Variants in ATE1 observed in about 807,000 individuals in gnomAD.
ATE1 encodes the protein arginyltransferase 1, also known as arginyl-tRNA--protein transferase 1.
A neutral mutation model predicts 70.5 loss-of-function variants in ATE1; 36 were observed. That is an observed-to-expected ratio of 0.51 (90% CI 0.39 to 0.67). The LOEUF is 0.67. ATE1 is among the 30% of genes least tolerant of loss of function. The pLI, the probability that ATE1 is intolerant of heterozygous loss-of-function variation, is 0.00. For missense variants in ATE1, 593 were observed against 629.5 expected, an observed-to-expected ratio of 0.94 and a Z score of 0.62; for synonymous variants, 232 against 219.3, an observed-to-expected ratio of 1.06 and a Z score of -0.51.
At chr10:121,922,325 C>T in intron 3 of ATE1, 24 bp downstream of exon 3, 2 of 1,498,920 alleles carry the variant, frequency 1.3e-6, no homozygotes, top group Non-Finnish European at 9.2e-7. Context: ...TATAAATCCT[C>T]TTTCTACTAA....
At chr10:121,927,732 G>A (rs939529277) in intron 1 of ATE1, 112 bp downstream of exon 1, 5 of 1,363,292 alleles carry the variant, frequency 3.7e-6, no homozygotes, top group Non-Finnish European at 4.7e-6. Flanking sequence ...CTCCGTCTCG[G>A]CCGTGGCACT....
chr10:121,769,333 G>T (rs1182836882), intron 11 of ATE1, among the ~76,000 whole-genome samples: 1 of 152,122 alleles, frequency 6.6e-6, no homozygotes, highest in Admixed American at 6.5e-5. Flanking sequence ...GAGCAACTGG[G>T]TATCAACCAG....
chr10:121,899,934 AAG>A lies in ATE1; in HGVS notation c.872_873del (p.Ser291LeufsTer5). ...ATCTGGTAACGTTTATAGACCTGGTAAGACTCCAGAAGTGTGGCTTTGAACTG... is the reference window on the plus strand; with the variant it reads ...ATCTGGTAACGTTTATAGACCTGGTAACTCCAGAAGTGTGGCTTTGAACTG... Reference protein sequence around the residue: ...SSQFKATLLESYQVYKRYQMV... With the variant: ...SSQFKATLLEXYQVYKRYQMV... On this transcript the variant is annotated frameshift_variant, in exon 7 of 12. Transcript: ENST00000224652. LOFTEE classifies it high-confidence loss of function. The A allele has an allele frequency of 6.2e-7, 1 of 1,614,052 alleles. No homozygotes were observed. The highest frequency in any genetic ancestry group is 8.5e-7 in the Non-Finnish European group (1 of 1,179,960).
At chr10:121,856,956 G>A (rs1305292305) in intron 8 of ATE1, among the ~76,000 whole-genome samples, 1 of 152,196 alleles carries the variant, frequency 6.6e-6, no homozygotes, top group Non-Finnish European at 1.5e-5. Flanking sequence ...CCTCTGTAAT[G>A]CTGAAGATTT....
chr10:121,822,041 C>T (rs1454732716), intron 10 of ATE1, among the ~76,000 whole-genome samples: 1 of 152,130 alleles, frequency 6.6e-6, no homozygotes, highest in Non-Finnish European at 1.5e-5. Flanking sequence ...GCGACTCACA[C>T]CCACATCTCT....
At chr10:121,804,678 GTGTC>G (rs1055876042) in intron 10 of ATE1, among the ~76,000 whole-genome samples, 2 of 151,694 alleles carry the variant, frequency 1.3e-5, no homozygotes, top group African/African-American at 4.8e-5. Flanking sequence ...CTGGTGATGA[GTGTC>G]TGAGTAATAC....
At chr10:121,794,355 G>T (rs1024163193) in intron 10 of ATE1, among the ~76,000 whole-genome samples, 1 of 152,030 alleles carries the variant, frequency 6.6e-6, no homozygotes, top group African/African-American at 2.4e-5. Context: ...TAATAAAAAT[G>T]GAATAGCATA....
intron 11 of ATE1, among the ~76,000 whole-genome samples, chr10:121,775,128 A>G (rs1438473132): frequency 6.6e-6 from 1 of 152,226 alleles, no homozygotes; most frequent in Non-Finnish European, 1.5e-5. Flanking sequence ...ACAATATTGT[A>G]TAATACTACA....
intron 11 of ATE1, among the ~76,000 whole-genome samples, chr10:121,744,090 T>G (rs1204503600): frequency 6.6e-6 from 1 of 151,414 alleles, no homozygotes; most frequent in Non-Finnish European, 1.5e-5. Flanking sequence ...ACCAGGCTAA[T>G]TTTTGTATTT....
chr10:121,799,956 A>G (rs918379095), intron 10 of ATE1, among the ~76,000 whole-genome samples: 5 of 152,174 alleles, frequency 3.3e-5, no homozygotes, highest in Admixed American at 2.0e-4. Flanking sequence ...GTTACTAACA[A>G]CCCCTTTTTA....
intron 10 of ATE1, among the ~76,000 whole-genome samples, chr10:121,809,089 C>G (rs1947212912): frequency 6.6e-6 from 1 of 152,176 alleles, no homozygotes; most frequent in African/African-American, 2.4e-5. Context: ...CACCACTGAT[C>G]TCATCAGAGA....
intron 10 of ATE1, 61 bp from the exon 11 acceptor site, chr10:121,790,350 G>A (rs887123896): frequency 1.3e-5 from 20 of 1,587,584 alleles, no homozygotes; most frequent in Non-Finnish European, 1.6e-5. Context: ...CAGAGATAAA[G>A]GGATGAGGGC....
intron 7 of ATE1, among the ~76,000 whole-genome samples, chr10:121,891,889 T>C (rs1950591021): frequency 6.6e-6 from 1 of 152,198 alleles, no homozygotes; most frequent in South Asian, 2.1e-4. Flanking sequence ...TTAACAAAAC[T>C]ACACCACAGT....
At chr10:121,855,220 T>C (rs528545328) in intron 8 of ATE1, among the ~76,000 whole-genome samples, 2 of 152,218 alleles carry the variant, frequency 1.3e-5, no homozygotes, top group Non-Finnish European at 2.9e-5. Flanking sequence ...TCACTCTGTG[T>C]CCACACTCCT....
chr10:121,928,453 G>A (rs756427317), upstream of ATE1: 7 of 1,513,278 alleles, frequency 4.6e-6, no homozygotes, highest in East Asian at 2.8e-5. Context: ...GGGTCCGCTC[G>A]GGCCGACCAC....
intron 11 of ATE1, among the ~76,000 whole-genome samples, chr10:121,778,564 CTTTTTTTTTTT>C (rs71022864): frequency 1.7e-5 from 1 of 57,194 alleles, no homozygotes; most frequent in African/African-American, 7.1e-5. Flanking sequence ...ATGTGGCCAG[CTTTTTTTTTTT>C]TTTTTTTTTT....
chr10:121,862,131 C>T (rs539026825), intron 8 of ATE1, among the ~76,000 whole-genome samples: 5 of 152,298 alleles, frequency 3.3e-5, no homozygotes, highest in Admixed American at 6.5e-5. Flanking sequence ...GAATTTGGGC[C>T]AGCTTTCTGG....
At chr10:121,871,238 T>C (rs1949845766) in intron 7 of ATE1, among the ~76,000 whole-genome samples, 2 of 152,084 alleles carry the variant, frequency 1.3e-5, no homozygotes, top group Admixed American at 1.3e-4. Flanking sequence ...GTGGATCACC[T>C]GAGGGAGGAC....
At chr10:121,896,991 T>C (rs1950807232) in intron 7 of ATE1, among the ~76,000 whole-genome samples, 1 of 152,096 alleles carries the variant, frequency 6.6e-6, no homozygotes, top group African/African-American at 2.4e-5. Context: ...CCAGAACACC[T>C]TTCTCCCTTT....
Sources: gnomAD v4.1 joint callset for allele counts (sites outside exome capture counted in the v4.1 genomes callset) on GRCh38, gnomAD v4.1.1 for gene constraint, MANE v1.5 for transcripts, NCBI Gene and HGNC (gene_info 2026-07-23, HGNC 2026-07-21) for gene names.